The following PRKCA variants were observed in gnomAD, a reference collection of about 807,000 sequenced individuals.
PRKCA encodes the protein protein kinase C alpha.
A neutral mutation model predicts 87.0 loss-of-function variants in PRKCA; 27 were observed. The observed-to-expected ratio is 0.31, with a 90% CI of 0.23 to 0.43. The LOEUF (loss-of-function observed/expected upper bound fraction) is 0.43, where lower values mean the gene tolerates loss of function less well. Among genes scored for constraint, PRKCA ranks in the 20% least tolerant of loss-of-function variants. The pLI is 1.00. For synonymous variants in PRKCA, 329 were observed against 311.1 expected (o/e 1.06, Z -0.61); for missense variants, 518 against 852.3 (o/e 0.61, Z 4.88).
At chr17:66,463,807 C>G (rs1158462061) in intron 2 of PRKCA, among the ~76,000 whole-genome samples, 1 of 152,196 alleles carries the variant, frequency 6.6e-6, no homozygotes, top group Admixed American at 6.5e-5. Flanking sequence ...TGTGCCTGCA[C>G]AGCATCCCCA....
intron 2 of PRKCA, among the ~76,000 whole-genome samples, chr17:66,410,332 G>A (rs1911706381): frequency 6.6e-6 from 1 of 151,962 alleles, no homozygotes; most frequent in South Asian, 2.1e-4. Flanking sequence ...GATTTCCCAT[G>A]AATGAACTCA....
chr17:66,312,476 C>G (rs1905129670), intron 2 of PRKCA, among the ~76,000 whole-genome samples: 1 of 152,152 alleles, frequency 6.6e-6, no homozygotes, highest in South Asian at 2.1e-4. Context: ...AGGATAAGTC[C>G]AACTCCTTAG....
At chr17:66,629,031 A>G (rs1222021992) in intron 3 of PRKCA, among the ~76,000 whole-genome samples, 1 of 152,228 alleles carries the variant, frequency 6.6e-6, no homozygotes, top group Non-Finnish European at 1.5e-5. Flanking sequence ...CTCCGTCTCA[A>G]AAACAAAAAA....
intron 3 of PRKCA, among the ~76,000 whole-genome samples, chr17:66,608,261 T>G (rs1482783733): frequency 6.6e-6 from 1 of 152,076 alleles, no homozygotes; most frequent in Admixed American, 6.5e-5. Context: ...TAATCATCAC[T>G]TTGTTGGTGG....
chr17:66,793,441 T>A (rs1287779000), intron 16 of PRKCA, among the ~76,000 whole-genome samples: 8 of 151,872 alleles, frequency 5.3e-5, no homozygotes, highest in Non-Finnish European at 1.0e-4. Flanking sequence ...AATACAAAAA[T>A]TAGCTGGGCA....
Position 66,531,826 on chromosome 17 carries a change from G to A in PRKCA, c.288+35543G>A, listed in dbSNP as rs1259204813. ...ATCTGCAAGTCCTGGTTGGTGACCA[G>A]GGACTTGAAGAGTAGACTTTCTTCT... On this transcript the variant is annotated intron_variant, in intron 3 of 16. Coordinates refer to ENST00000413366, the MANE Select transcript of PRKCA (RefSeq NM_002737.3). Among the ~76,000 whole-genome samples, 9 of 152,196 alleles carry A rather than the reference G, an allele frequency of 5.9e-5. No homozygotes were observed. In the East Asian group the frequency reaches 1.7e-3, roughly 29 times the overall value.
chr17:66,346,096 CTTTT>C (rs1166100613), intron 2 of PRKCA, among the ~76,000 whole-genome samples: 1 of 133,336 alleles, frequency 7.5e-6, no homozygotes. Flanking sequence ...TCTTTTTTTG[CTTTT>C]TTTTTTTTTT....
rs145755592 is a variant in PRKCA at position 66,326,968 on chromosome 17, C to A, written c.205+20841C>A. Among the ~76,000 whole-genome samples, 734 of 152,160 alleles carry A rather than the reference C, an allele frequency of 4.8e-3. 21 individuals are homozygous for A. The highest frequency in any genetic ancestry group is 0.036 in the Admixed American group (553 of 15,288). On this transcript the variant is annotated intron_variant, in intron 2 of 16. Coordinates refer to ENST00000413366, the MANE Select transcript of PRKCA (RefSeq NM_002737.3). ...CTATAGTTCCAGCTACTCAGGAGGC[C>A]AAGATGGGGGGAATCACTTGAGCCC... is the stretch of plus-strand genomic sequence containing the variant.
chr17:66,575,185 A>G (rs1163600882), intron 3 of PRKCA, among the ~76,000 whole-genome samples: 2 of 152,222 alleles, frequency 1.3e-5, no homozygotes, highest in Non-Finnish European at 2.9e-5. Context: ...CAGCATCTAC[A>G]GAAGGGGTCT....
At chr17:66,669,203 A>G (rs910333847) in intron 5 of PRKCA, among the ~76,000 whole-genome samples, 4 of 152,234 alleles carry the variant, frequency 2.6e-5, no homozygotes, top group African/African-American at 9.6e-5. Flanking sequence ...TTTTAAAATG[A>G]TAGTGGGCTA....
chr17:66,768,637 C>T lies in PRKCA; in HGVS notation c.1525-5350C>T, dbSNP rs1974863133. ...GGGAAGTAAGCATGTCTTACCATGG[C>T]GGAGCAGGGGAGAGAGAGAGAGACA... On this transcript the variant is annotated intron_variant, in intron 13 of 16. Transcript: ENST00000413366. Among the ~76,000 whole-genome samples the T allele has an allele frequency of 2.0e-5, 3 of 152,082 alleles. No individual in the cohort carries two copies. The South Asian group carries it at 6.2e-4, about 32-fold the overall frequency.
chr17:66,580,561 G>A lies in PRKCA; in HGVS notation c.289-60794G>A, dbSNP rs374795005. ...ATTCTTAGCATCTCAGCAATCCAAG[G>A]ACAAACACATCAGCTTCCCCGTAGC... On this transcript the variant is annotated intron_variant, in intron 3 of 16. Coordinates refer to ENST00000413366, the MANE Select transcript of PRKCA (RefSeq NM_002737.3). Among the ~76,000 whole-genome samples, 10 of 152,298 alleles carry A rather than the reference G, an allele frequency of 6.6e-5. No homozygotes were observed. The East Asian group carries it at 7.7e-4, about 12-fold the overall frequency.
intron 3 of PRKCA, among the ~76,000 whole-genome samples, chr17:66,591,618 C>A (rs1969806348): frequency 1.3e-5 from 2 of 152,152 alleles, no homozygotes; most frequent in Non-Finnish European, 2.9e-5. Flanking sequence ...AGTAAAAGTG[C>A]CCCCACTTTG....
At chr17:66,611,930 A>G (rs1333063346) in intron 3 of PRKCA, among the ~76,000 whole-genome samples, 2 of 152,168 alleles carry the variant, frequency 1.3e-5, no homozygotes, top group African/African-American at 2.4e-5. Flanking sequence ...GATGTTGAAC[A>G]TGTTTTTATG....
intron 4 of PRKCA, among the ~76,000 whole-genome samples, chr17:66,644,155 T>C (rs1279858605): frequency 6.6e-6 from 1 of 152,224 alleles, no homozygotes; most frequent in Non-Finnish European, 1.5e-5. Context: ...TTTGAACAGT[T>C]AGCCTTGGAA....
chr17:66,646,791 G>A lies in PRKCA; in HGVS notation c.529+1280G>A, dbSNP rs149373066. Among the ~76,000 whole-genome samples the A allele has an allele frequency of 4.1e-3, 629 of 152,220 alleles. 8 individuals carry two copies. The highest frequency in any genetic ancestry group is 0.014 in the African/African-American group (599 of 41,554). On this transcript the variant is annotated intron_variant, in intron 5 of 16. Transcript: ENST00000413366. ...GGTAAGAACTCAGAGAAGAACAAAG[G>A]ATTCCAAGGTATCACTGGGAGAGGG...
At chr17:66,653,728 A>T (rs1971652361) in intron 5 of PRKCA, among the ~76,000 whole-genome samples, 1 of 148,882 alleles carries the variant, frequency 6.7e-6, no homozygotes. Flanking sequence ...ACTCTCCTCG[A>T]TCTGGGGGTT....
At chr17:66,466,215 TC>T (rs1359239587) in intron 2 of PRKCA, among the ~76,000 whole-genome samples, 4 of 152,214 alleles carry the variant, frequency 2.6e-5, no homozygotes, top group Non-Finnish European at 5.9e-5. Context: ...GTACCTTTTT[TC>T]TGTAGTCGGT....
At chr17:66,759,681 CTA>C (rs1436897262) in intron 13 of PRKCA, among the ~76,000 whole-genome samples, 1 of 152,092 alleles carries the variant, frequency 6.6e-6, no homozygotes, top group African/African-American at 2.4e-5. Flanking sequence ...AGACTTAACT[CTA>C]TGCAAGAAAT....
Sources: allele counts gnomAD v4.1 joint callset (sites outside exome capture counted in the v4.1 genomes callset), GRCh38; gene constraint gnomAD v4.1.1; transcripts MANE v1.5; gene names NCBI Gene and HGNC (gene_info 2026-07-23, HGNC 2026-07-21).